The following MARF1 variants were observed in gnomAD, a reference collection of about 807,000 sequenced individuals.
The protein encoded by MARF1 is meiosis regulator and mRNA stability factor 1, also known as limkain-b1.
A neutral mutation model predicts 168.2 loss-of-function variants in MARF1; 24 were observed. The observed-to-expected ratio is 0.14, with a 90% CI of 0.10 to 0.20. MARF1 has a LOEUF of 0.20. Ranked by LOEUF, MARF1 falls within the 10% of genes least tolerant of loss-of-function variation. MARF1 has a pLI of 1.00. For missense variants in MARF1, 1,744 were observed against 2,143.6 expected (o/e 0.81, Z 3.68); for synonymous variants, 868 against 822.4 (o/e 1.06, Z -0.95).
chr16:15,630,194 A>C, intron 7 of MARF1, 138 bp downstream of exon 7: 1 of 630,478 alleles, frequency 1.6e-6, no homozygotes, highest in Non-Finnish European at 2.6e-6. Flanking sequence ...GAAGGTTTCT[A>C]AGCCTTACTT....
intron 12 of MARF1, 141 bp downstream of exon 12, chr16:15,621,592 G>C (rs762705621): frequency 5.0e-5 from 42 of 832,940 alleles, no homozygotes; most frequent in Middle Eastern, 5.7e-4. Context: ...GTTTCTAACT[G>C]TATCAATCTA....
At chr16:15,603,930 T>C (rs1169653475) in intron 22 of MARF1, among the ~76,000 whole-genome samples, 1 of 151,886 alleles carries the variant, frequency 6.6e-6, no homozygotes, top group African/African-American at 2.4e-5. Flanking sequence ...CAGGCTTTCA[T>C]CCTAGAACGG....
rs1440820258 is a variant in MARF1, at chr16:15,620,541, A to G, written c.2640-10T>C. On this transcript the variant is annotated splice_polypyrimidine_tract_variant and intron_variant, in intron 12 of 26. Coordinates refer to ENST00000396368, the MANE Select transcript of MARF1 (RefSeq NM_014647.4). The stretch of plus-strand genomic sequence containing the variant: ...AGACATTGTTTCTGCACTGTAAAAC[A>G]GAAGTTTGATTAGGGAACAGACCAT... 6.3e-7 allele frequency: 1 copy of G among 1,597,844 alleles called. No individual in the cohort carries two copies. The highest frequency in any genetic ancestry group is 1.7e-5 in the Admixed American group (1 of 58,702).
rs2032509395 is a variant in MARF1 at position 15,602,214 on chromosome 16, A to G, written c.4414-11T>C. ...ATCATTAGTGAAAACCTGGTTAAAA[A>G]GAAAACGCAGCATTAGAAATATTAG... On this transcript the variant is annotated splice_polypyrimidine_tract_variant and intron_variant, in intron 22 of 26. Transcript: ENST00000396368. The G allele has an allele frequency of 1.2e-6, 2 of 1,609,254 alleles. No homozygotes were observed. The highest frequency in any genetic ancestry group is 4.5e-5 in the East Asian group (2 of 44,862).
intron 10 of MARF1, among the ~76,000 whole-genome samples, 156 bp downstream of exon 10, chr16:15,624,613 C>T (rs187196007): frequency 5.9e-5 from 9 of 152,262 alleles, no homozygotes; most frequent in African/African-American, 1.7e-4. Context: ...TAAATGTTAA[C>T]GATGATTACC....
chr16:15,600,303 G>T, intron 25 of MARF1, 125 bp downstream of exon 25: 1 of 1,258,052 alleles, frequency 7.9e-7, no homozygotes, highest in Non-Finnish European at 1.1e-6. Flanking sequence ...TTTGAAAAAT[G>T]TGTGGCTATG....
intron 15 of MARF1, 112 bp from the exon 16 acceptor site, chr16:15,616,117 G>A: frequency 2.3e-6 from 2 of 864,138 alleles, no homozygotes; most frequent in South Asian, 6.6e-5. Context: ...TCATTTGTCT[G>A]AATGCCCACC....
rs2031704900 is a variant in MARF1 at position 15,596,544 on chromosome 16, AAAG to A, written c.*146_*148del. The A allele has an allele frequency of 1.4e-6, 1 of 693,126 alleles. No individual in the cohort carries two copies. Among genetic ancestry groups the A allele is most frequent in the African/African-American group, 1.8e-5 (1 of 54,512 alleles). The allele number at this position is 693,126 out of a possible 1,614,324, so 42.9% of individuals were successfully genotyped here. On this transcript the variant is annotated 3_prime_UTR_variant, in exon 27 of 27. Coordinates refer to ENST00000396368, the MANE Select transcript of MARF1 (RefSeq NM_014647.4). ...TCAGCTCAAAGCTGTGTTCAATGGA[AAAG>A]AAAAACATGATAGAACACAGGTAAG... is the stretch of plus-strand genomic sequence containing the variant.
At chr16:15,625,841 G>A in intron 7 of MARF1, 41 bp from the exon 8 acceptor site, 1 of 1,506,412 alleles carries the variant, frequency 6.6e-7, no homozygotes, top group African/African-American at 1.4e-5. Context: ...GTTAATTCAA[G>A]GGCACACATT....
intron 5 of MARF1, among the ~76,000 whole-genome samples, chr16:15,633,206 CGT>C (rs1280855519): frequency 1.9e-4 from 29 of 149,136 alleles, no homozygotes; most frequent in East Asian, 6.0e-4. Flanking sequence ...CACACACACA[CGT>C]ACAGCACTTT....
intron 10 of MARF1, among the ~76,000 whole-genome samples, chr16:15,623,782 G>A (rs534152469): frequency 3.4e-4 from 51 of 152,196 alleles, no homozygotes; most frequent in Non-Finnish European, 5.4e-4. Flanking sequence ...AATTTAAGGC[G>A]TCTAACCTCC....
intron 19 of MARF1, chr16:15,610,623 T>A (rs1284355540): frequency 5.0e-6 from 1 of 200,972 alleles, no homozygotes; most frequent in African/African-American, 2.3e-5. Context: ...ATAAAGTAGC[T>A]CAGAGTTCAA....
At chr16:15,613,165 A>T (rs1357672646) in intron 16 of MARF1, among the ~76,000 whole-genome samples, 1 of 152,216 alleles carries the variant, frequency 6.6e-6, no homozygotes, top group African/African-American at 2.4e-5. Flanking sequence ...AATGGTCATC[A>T]GGTAGGTGGC....
chr16:15,631,493 G>C lies in MARF1; in HGVS notation c.1239C>G (p.Thr413=), dbSNP rs370485027. 9.3e-6 allele frequency: 15 copies of C among 1,606,940 alleles called. No individual in the cohort carries two copies. Among genetic ancestry groups the C allele is most frequent in the African/African-American group, 4.0e-5 (3 of 74,794 alleles). Residue 413 remains threonine (T), a synonymous_variant, in exon 6 of 27, where the codon ACC becomes ACG. Transcript: ENST00000396368. The stretch of plus-strand genomic sequence containing the variant: ...TTGCAGTAGCATTGATGTGGGCAAC[G>C]GTTACCTGCATTAATTTATAATAAG... ...VIQELNNCQV[T]VAHINATAKN...
intron 1 of MARF1, 56 bp from the exon 2 acceptor site, chr16:15,639,347 C>G (rs2035798978): frequency 1.7e-6 from 2 of 1,168,270 alleles, no homozygotes; most frequent in Non-Finnish European, 1.2e-6. Context: ...ACAAATTTTA[C>G]AACATACTAA....
At chr16:15,599,291 G>C in intron 25 of MARF1, 1 of 498,008 alleles carries the variant, frequency 2.0e-6, no homozygotes, top group Non-Finnish European at 3.6e-6. Context: ...CCCAACCAGA[G>C]AAAAGGGTCC....
Position 15,625,060 on chromosome 16 carries a change from C to T in MARF1, c.2067G>A (p.Pro689=), listed in dbSNP as rs775796864. 3.7e-6 allele frequency: 6 copies of T among 1,614,172 alleles called. No homozygotes were observed. Among genetic ancestry groups the T allele is most frequent in the Admixed American group, 1.7e-5 (1 of 60,016 alleles). The change falls in exon 9 of 27, where the codon CCG becomes CCA. Residue 689 remains proline (P), a synonymous_variant. Transcript: ENST00000396368. ...CGGGTTCTGCCACCCCCGAGTTTTT[C>T]GGCGTCGACACTGCAGCACTTGAGT... ...HGNSSAAVST[P]KNSGVAEPVY...
chr16:15,629,242 A>C (rs535294674), intron 7 of MARF1, among the ~76,000 whole-genome samples: 1 of 152,328 alleles, frequency 6.6e-6, no homozygotes, highest in Non-Finnish European at 1.5e-5. Context: ...AATAATGACA[A>C]AGGTGAGTTA....
chr16:15,628,712 G>T (rs921356883), intron 7 of MARF1, among the ~76,000 whole-genome samples: 1 of 151,998 alleles, frequency 6.6e-6, no homozygotes, highest in Non-Finnish European at 1.5e-5. Flanking sequence ...CACATCACTC[G>T]GCCCACACCA....
Sources: allele counts gnomAD v4.1 joint callset (sites outside exome capture counted in the v4.1 genomes callset), GRCh38; gene constraint gnomAD v4.1.1; transcripts MANE v1.5; gene names NCBI Gene and HGNC (gene_info 2026-07-23, HGNC 2026-07-21).